GALNTL6: variants seen among roughly 807,000 people sequenced by gnomAD.
GALNTL6 encodes the protein polypeptide N-acetylgalactosaminyltransferase-like 6.
GALNTL6 carries 46 observed loss-of-function variants against 73.7 expected under a neutral mutation model. The observed-to-expected ratio is 0.62, with a 90% confidence interval of 0.49 to 0.80. The LOEUF is 0.80. Ranked by LOEUF, GALNTL6 falls within the 30% of genes least tolerant of loss-of-function variation. The pLI is 0.00. For missense variants in GALNTL6, 604 were observed against 755.0 expected, an observed-to-expected ratio of 0.80 and a Z score of 2.34; for synonymous variants, 259 against 263.7, an observed-to-expected ratio of 0.98 and a Z score of 0.17.
At chr4:172,654,474 AT>A (rs1273926234) in intron 5 of GALNTL6, among the ~76,000 whole-genome samples, 1 of 152,162 alleles carries the variant, frequency 6.6e-6, no homozygotes, top group Non-Finnish European at 1.5e-5. Flanking sequence ...TTACTAGAGT[AT>A]TTTTTTCATA....
chr4:172,902,862 AC>A (rs1169665479), intron 8 of GALNTL6, among the ~76,000 whole-genome samples: 1 of 152,146 alleles, frequency 6.6e-6, no homozygotes, highest in African/African-American at 2.4e-5. Flanking sequence ...CAACGTGCCA[AC>A]CCTGGGCTAA....
intron 2 of GALNTL6, among the ~76,000 whole-genome samples, chr4:172,150,169 C>T (rs1734039946): frequency 6.6e-6 from 1 of 152,152 alleles, no homozygotes; most frequent in African/African-American, 2.4e-5. Flanking sequence ...AAGGTTTTTC[C>T]TCAGTCCCCA....
chr4:172,437,657 A>G (rs1731681508), intron 5 of GALNTL6, among the ~76,000 whole-genome samples: 1 of 152,078 alleles, frequency 6.6e-6, no homozygotes, highest in Admixed American at 6.6e-5. Context: ...ACCATATTAT[A>G]CTTTCCCTAA....
intron 5 of GALNTL6, among the ~76,000 whole-genome samples, chr4:172,728,288 C>G (rs2111380891): frequency 6.6e-6 from 1 of 152,238 alleles, no homozygotes; most frequent in Non-Finnish European, 1.5e-5. Context: ...TTTTACCTTC[C>G]TGGCCTCCGA....
At position 171,973,042 on chromosome 4, in the gene GALNTL6, T is replaced by C. The variant is rs148218094; in HGVS notation, c.138+158324T>C. ...ATTATTAAAGAGTATTCTATTTTCA[T>C]TGAATGCTACTCTTAATTCAGTTTC... On this transcript the variant is annotated intron_variant, in intron 2 of 12. Coordinates refer to ENST00000506823, the MANE Select transcript of GALNTL6 (RefSeq NM_001034845.3). Among the ~76,000 whole-genome samples the C allele has an allele frequency of 4.6e-5, 7 of 152,324 alleles. No individual in the cohort carries two copies. In the East Asian group the frequency reaches 1.4e-3, roughly 29 times the overall value.
chr4:172,062,390 T>G (rs1200117971), intron 2 of GALNTL6, among the ~76,000 whole-genome samples: 1 of 152,176 alleles, frequency 6.6e-6, no homozygotes, highest in African/African-American at 2.4e-5. Context: ...CTCACCAATT[T>G]TATTGCTATG....
At chr4:171,958,868 C>A (rs180871573) in intron 2 of GALNTL6, among the ~76,000 whole-genome samples, 10 of 152,118 alleles carry the variant, frequency 6.6e-5, no homozygotes, top group Admixed American at 5.2e-4. Flanking sequence ...AATCTATTAT[C>A]TTTAACATTT....
At chr4:172,539,132 C>T (rs1296648901) in intron 5 of GALNTL6, among the ~76,000 whole-genome samples, 1 of 152,160 alleles carries the variant, frequency 6.6e-6, no homozygotes, top group African/African-American at 2.4e-5. Context: ...GAATCTCCAA[C>T]TAGGAAAAAT....
rs982542744 is a variant in GALNTL6 at position 172,854,693 on chromosome 4, C to T, written c.924-28097C>T. On this transcript the variant is annotated intron_variant, in intron 7 of 12. Transcript: ENST00000506823. ...TTCTTCAAGGCCAAACTAAATTTCT[C>T]CTTCTTCTATGAAAATGTTCCTGAC... Among the ~76,000 whole-genome samples, 5 of 152,158 alleles carry T rather than the reference C, an allele frequency of 3.3e-5. No individual in the cohort carries two copies. In the South Asian group the frequency reaches 6.2e-4, roughly 19 times the overall value.
At chr4:172,919,476 C>T (rs1033757843) in intron 8 of GALNTL6, among the ~76,000 whole-genome samples, 6 of 152,188 alleles carry the variant, frequency 3.9e-5, no homozygotes, top group African/African-American at 1.4e-4. Flanking sequence ...CTTCAATTCA[C>T]CTGGCCTGAG....
chr4:172,907,856 CT>C (rs1373926517), intron 8 of GALNTL6, among the ~76,000 whole-genome samples: 4 of 152,154 alleles, frequency 2.6e-5, no homozygotes, highest in Admixed American at 6.5e-5. Context: ...CAGCATATGA[CT>C]TTTTTTCTTT....
intron 5 of GALNTL6, among the ~76,000 whole-genome samples, chr4:172,363,232 T>C (rs922872477): frequency 1.3e-5 from 2 of 152,158 alleles, no homozygotes; most frequent in Non-Finnish European, 2.9e-5. Flanking sequence ...TTTCACTATC[T>C]GAAATGTGTC....
intron 2 of GALNTL6, among the ~76,000 whole-genome samples, chr4:172,146,398 A>G (rs1733928918): frequency 6.6e-6 from 1 of 152,236 alleles, no homozygotes; most frequent in African/African-American, 2.4e-5. Context: ...AAACAAAAAA[A>G]TCACCTGTAA....
At chr4:172,866,728 G>T (rs962505644) in intron 7 of GALNTL6, among the ~76,000 whole-genome samples, 5 of 152,144 alleles carry the variant, frequency 3.3e-5, no homozygotes, top group Non-Finnish European at 7.4e-5. Flanking sequence ...TGAGGATGCT[G>T]CTGCGCTGTC....
intron 2 of GALNTL6, among the ~76,000 whole-genome samples, chr4:171,918,872 GAAAT>G (rs760629503): frequency 2.6e-5 from 4 of 152,084 alleles, no homozygotes; most frequent in Non-Finnish European, 5.9e-5. Context: ...TATGCTAAAT[GAAAT>G]AAGCCCGTCA....
chr4:172,135,921 G>A (rs1013315738), intron 2 of GALNTL6, among the ~76,000 whole-genome samples: 1 of 152,016 alleles, frequency 6.6e-6, no homozygotes, highest in Non-Finnish European at 1.5e-5. Context: ...CATTAATTCT[G>A]TTTCTCTTTA....
At chr4:172,496,043 A>G (rs1734060162) in intron 5 of GALNTL6, among the ~76,000 whole-genome samples, 1 of 152,208 alleles carries the variant, frequency 6.6e-6, no homozygotes, top group Non-Finnish European at 1.5e-5. Context: ...TGTTATGACA[A>G]CTAATAGAAA....
chr4:172,156,547 A>G (rs1258351181), intron 2 of GALNTL6, among the ~76,000 whole-genome samples: 10 of 113,760 alleles, frequency 8.8e-5, no homozygotes, highest in African/African-American at 2.3e-4. Context: ...TATAATATAT[A>G]TATATATATA....
intron 5 of GALNTL6, among the ~76,000 whole-genome samples, chr4:172,585,215 GTCT>G (rs1737356171): frequency 1.3e-5 from 2 of 152,012 alleles, no homozygotes; most frequent in South Asian, 4.1e-4. Flanking sequence ...GGAACTTAAA[GTCT>G]TCATTGTCTC....
Sources: gnomAD v4.1 joint callset for allele counts (sites outside exome capture counted in the v4.1 genomes callset) on GRCh38, gnomAD v4.1.1 for gene constraint, MANE v1.5 for transcripts, NCBI Gene and HGNC (gene_info 2026-07-23, HGNC 2026-07-21) for gene names.